The following GPC6 variants were observed in gnomAD, a reference collection of about 807,000 sequenced individuals.
GPC6 encodes glypican-6.
A neutral mutation model predicts 55.2 loss-of-function variants in GPC6; 14 were observed. The ratio of observed to expected loss-of-function variants is 0.25; its 90% CI spans 0.17 to 0.40. GPC6 has a LOEUF of 0.40. GPC6 is among the 10% of genes least tolerant of loss of function. The pLI is 1.00. For synonymous variants in GPC6, 278 were observed against 259.6 expected (o/e 1.07, Z -0.68); for missense variants, 641 against 708.5 (o/e 0.90, Z 1.08).
At chr13:94,232,181 C>G (rs185851226) in intron 4 of GPC6, among the ~76,000 whole-genome samples, 11 of 152,330 alleles carry the variant, frequency 7.2e-5, no homozygotes, top group Admixed American at 7.2e-4. Context: ...CTAACCCATT[C>G]ATTCCTAAAA....
chr13:93,306,225 T>C (rs1878851390), intron 1 of GPC6, among the ~76,000 whole-genome samples: 1 of 152,146 alleles, frequency 6.6e-6, no homozygotes, highest in African/African-American at 2.4e-5. Context: ...AAGATTGAAA[T>C]GTAAAGACAA....
intron 1 of GPC6, among the ~76,000 whole-genome samples, chr13:93,541,030 T>A (rs898229390): frequency 6.6e-6 from 1 of 152,154 alleles, no homozygotes; most frequent in Non-Finnish European, 1.5e-5. Flanking sequence ...CATCCTTTTT[T>A]TTTTATTATT....
At chr13:93,788,238 A>C (rs953214958) in intron 2 of GPC6, among the ~76,000 whole-genome samples, 5 of 152,130 alleles carry the variant, frequency 3.3e-5, no homozygotes, top group African/African-American at 1.2e-4. Flanking sequence ...TTGATACTGC[A>C]TCTTCTGGAG....
At chr13:93,849,542 G>A (rs187051683) in intron 3 of GPC6, among the ~76,000 whole-genome samples, 1 of 152,092 alleles carries the variant, frequency 6.6e-6, no homozygotes, top group East Asian at 1.9e-4. Flanking sequence ...AAGATCTGCT[G>A]AAGAGTGGTG....
At chr13:94,312,240 C>T (rs759603473) in intron 6 of GPC6, among the ~76,000 whole-genome samples, 8 of 152,272 alleles carry the variant, frequency 5.3e-5, no homozygotes, top group Non-Finnish European at 7.4e-5. Flanking sequence ...TGAAATTCAT[C>T]GGTAGGTCAC....
At chr13:93,730,900 A>G (rs1171366506) in intron 2 of GPC6, among the ~76,000 whole-genome samples, 1 of 152,186 alleles carries the variant, frequency 6.6e-6, no homozygotes, top group Non-Finnish European at 1.5e-5. Context: ...CTGGTAGAAG[A>G]AATAAAACAG....
intron 3 of GPC6, among the ~76,000 whole-genome samples, chr13:94,016,753 T>C (rs893096250): frequency 6.6e-6 from 1 of 152,234 alleles, no homozygotes; most frequent in Non-Finnish European, 1.5e-5. Context: ...CCTTCAGCAA[T>C]GTTCTGTAGT....
upstream of GPC6, among the ~76,000 whole-genome samples, chr13:93,223,982 C>A (rs1366766479): frequency 1.3e-3 from 192 of 146,596 alleles, 1 homozygote; most frequent in African/African-American, 4.6e-3. Flanking sequence ...TCACTGCAAG[C>A]TCCGCCTCCC....
intron 2 of GPC6, among the ~76,000 whole-genome samples, chr13:93,553,417 G>T (rs1407546334): frequency 6.6e-6 from 1 of 151,874 alleles, no homozygotes; most frequent in Non-Finnish European, 1.5e-5. Context: ...GATGGGCCAG[G>T]CGCAGTGGCT....
At chr13:94,045,991 G>T (rs942224031) in intron 4 of GPC6, among the ~76,000 whole-genome samples, 4 of 152,014 alleles carry the variant, frequency 2.6e-5, no homozygotes, top group African/African-American at 7.2e-5. Context: ...GTCTCAGAGA[G>T]TTCGAGTAAG....
intron 4 of GPC6, among the ~76,000 whole-genome samples, chr13:94,260,072 C>T (rs1022064559): frequency 3.3e-5 from 5 of 152,068 alleles, no homozygotes; most frequent in Admixed American, 1.3e-4. Context: ...TAGGGACAAA[C>T]GGGATGTTCT....
chr13:93,634,823 C>T (rs1047634169), intron 2 of GPC6, among the ~76,000 whole-genome samples: 6 of 152,044 alleles, frequency 3.9e-5, no homozygotes, highest in Non-Finnish European at 7.4e-5. Context: ...TGTGGTCAGT[C>T]GCAGGCCAGC....
At chr13:94,380,590 T>C (rs1880113961) in intron 6 of GPC6, among the ~76,000 whole-genome samples, 1 of 152,208 alleles carries the variant, frequency 6.6e-6, no homozygotes, top group East Asian at 1.9e-4. Flanking sequence ...TGATTATTAC[T>C]GAGCTGTTGT....
intron 2 of GPC6, among the ~76,000 whole-genome samples, chr13:93,599,734 T>C (rs1363025970): frequency 6.6e-6 from 1 of 152,166 alleles, no homozygotes; most frequent in African/African-American, 2.4e-5. Context: ...TTGATAAAAA[T>C]GAAAATGCCA....
intron 1 of GPC6, among the ~76,000 whole-genome samples, chr13:93,513,990 C>T (rs1246761411): frequency 6.6e-6 from 1 of 150,678 alleles, no homozygotes; most frequent in Non-Finnish European, 1.5e-5. Flanking sequence ...TGTCCTGCCT[C>T]AGCCTCCCAA....
chr13:94,242,227 G>A (rs1891076255), intron 4 of GPC6, among the ~76,000 whole-genome samples: 1 of 152,012 alleles, frequency 6.6e-6, no homozygotes, highest in Non-Finnish European at 1.5e-5. Flanking sequence ...CTTCATCCAT[G>A]TCCCTACAAA....
At chr13:93,906,672 AGAG>A (rs1876687494) in intron 3 of GPC6, among the ~76,000 whole-genome samples, 1 of 152,186 alleles carries the variant, frequency 6.6e-6, no homozygotes, top group Non-Finnish European at 1.5e-5. Context: ...ATGTAGAGGG[AGAG>A]GAGGTGTATT....
intron 3 of GPC6, among the ~76,000 whole-genome samples, chr13:93,871,709 C>T (rs1889138263): frequency 6.6e-6 from 1 of 151,854 alleles, no homozygotes; most frequent in South Asian, 2.1e-4. Context: ...AGTATTTTTC[C>T]CTTGTAGAGA....
At chr13:93,322,946 C>A (rs1203699618) in intron 1 of GPC6, among the ~76,000 whole-genome samples, 2 of 152,010 alleles carry the variant, frequency 1.3e-5, no homozygotes, top group African/African-American at 2.4e-5. Context: ...CCTAGCCCCC[C>A]ACACCCCCTT....
Sources: gnomAD v4.1 joint callset for allele counts (sites outside exome capture counted in the v4.1 genomes callset) on GRCh38, gnomAD v4.1.1 for gene constraint, MANE v1.5 for transcripts, NCBI Gene and HGNC (gene_info 2026-07-23, HGNC 2026-07-21) for gene names.